NOX5: variants seen among roughly 807,000 people sequenced by gnomAD.
NOX5 encodes NADPH oxidase, EF-hand calcium binding domain 5.
A neutral mutation model predicts 85.7 loss-of-function variants in NOX5; 76 were observed. The observed-to-expected ratio is 0.89, with a 90% CI of 0.74 to 1.07. The LOEUF (loss-of-function observed/expected upper bound fraction) is 1.07. NOX5 is among the 50% of genes least tolerant of loss of function. The pLI, the probability that NOX5 is intolerant of heterozygous loss-of-function variation, is 0.00. For missense variants in NOX5, 973 were observed against 999.5 expected (o/e 0.97, Z 0.36); for synonymous variants, 405 against 401.4 (o/e 1.01, Z -0.11).
At position 69,031,577 on chromosome 15, in the gene NOX5, T is replaced by G; in HGVS notation, c.385T>G (p.Trp129Gly). The G allele has an allele frequency of 6.2e-7, 1 of 1,612,902 alleles. No individual in the cohort carries two copies. Residue 129 changes from tryptophan (W) to glycine (G), a missense_variant, in exon 4 of 16, where the codon TGG becomes GGG. Physicochemically the swap from Trp to Gly is radical, Grantham distance 184 (BLOSUM62 -2). Transcript: ENST00000388866. ...GTGGGGTGCTGGGGCAGGCCCGCAC[T>G]GGGCTTCATCCCCACTCGGGACAGG... ...TEWGAGAGPH[W>G]ASSPLGTGSG...
chr15:69,040,655 C>T (rs1425294987), intron 9 of NOX5, among the ~76,000 whole-genome samples: 1 of 151,880 alleles, frequency 6.6e-6, no homozygotes, highest in Non-Finnish European at 1.5e-5. Flanking sequence ...TTCACCAATT[C>T]TTTTTCTCCC....
chr15:69,035,700 A>G, intron 6 of NOX5, 58 bp from the exon 7 acceptor site: 1 of 1,589,372 alleles, frequency 6.3e-7, no homozygotes, highest in Non-Finnish European at 8.6e-7. Flanking sequence ...CCCAATGGGA[A>G]GGTGGAGTGG....
chr15:69,037,502 C>G, intron 8 of NOX5: 1 of 385,162 alleles, frequency 2.6e-6, no homozygotes. Flanking sequence ...GGGTGCCAGG[C>G]CCTGAACTAG....
chr15:69,047,449 A>G lies in NOX5; in HGVS notation c.1729A>G (p.Arg577Gly). The change falls in exon 12 of 16, where the codon AGG (arginine) becomes GGG (glycine). Residue 577 changes from arginine (R) to glycine (G), a missense_variant. Arg to Gly is a moderately radical substitution (Grantham distance 125). Coordinates refer to ENST00000388866, the MANE Select transcript of NOX5 (RefSeq NM_024505.4). Reference protein sequence around the residue: ...IDGPYGTPTRRIFASEHAVLI... With the variant: ...IDGPYGTPTRGIFASEHAVLI... ...TGGGCCTTATGGGACCCCCACCCGCAGGATCTTTGCCTCTGAGCATGCCGT... is the reference window on the plus strand; with the variant it reads ...TGGGCCTTATGGGACCCCCACCCGCGGGATCTTTGCCTCTGAGCATGCCGT... 3.1e-6 allele frequency: 5 copies of G among 1,613,876 alleles called. No individual in the cohort carries two copies. The highest frequency in any genetic ancestry group is 4.2e-6 in the Non-Finnish European group (5 of 1,179,930).
chr15:69,028,206 C>T lies in NOX5; in HGVS notation c.175-9C>T, dbSNP rs372697289. 1.5e-4 allele frequency: 234 copies of T among 1,588,798 alleles called. 2 individuals carry two copies. In the African/African-American group the frequency reaches 2.3e-3, roughly 16 times the overall value. ...CAGTTGTGCTGTCTTCCACCCTTCT[C>T]GCCCACAGTCCTTCTTTGCAGAGCG... On this transcript the variant is annotated splice_polypyrimidine_tract_variant and intron_variant, in intron 2 of 15. Transcript: ENST00000388866.
rs1179767402 is a variant in NOX5, at chr15:69,037,013, C to G, written c.1189-15C>G. On this transcript the variant is annotated splice_polypyrimidine_tract_variant and intron_variant, in intron 7 of 15. Transcript: ENST00000388866. ...CTTGAGCTCTGGAAGTTGACTGCCC[C>G]CCCTACCCCCATAGGTGTTCTATTG... 3 of 1,611,666 alleles carry G rather than the reference C, an allele frequency of 1.9e-6. No homozygotes were observed. Among genetic ancestry groups the G allele is most frequent in the Admixed American group, 1.7e-5 (1 of 59,960 alleles).
chr15:69,024,914 G>A (rs1285235054), intron 1 of NOX5, among the ~76,000 whole-genome samples: 1 of 151,970 alleles, frequency 6.6e-6, no homozygotes, highest in Admixed American at 6.6e-5. Flanking sequence ...ATATTTAGTA[G>A]TATGTACTTA....
At chr15:69,051,653 G>A (rs1362002403) in intron 14 of NOX5, among the ~76,000 whole-genome samples, 3 of 152,090 alleles carry the variant, frequency 2.0e-5, no homozygotes, top group Non-Finnish European at 4.4e-5. Flanking sequence ...GGGATTACAG[G>A]CATGCACCAC....
chr15:69,049,423 G>A (rs1408813592), intron 14 of NOX5, among the ~76,000 whole-genome samples: 2 of 151,650 alleles, frequency 1.3e-5, no homozygotes, highest in African/African-American at 2.4e-5. Flanking sequence ...GTCTTTTTAA[G>A]AGGTGTTTAT....
rs747219195 is a variant in NOX5 at position 69,047,439 on chromosome 15, C to T, written c.1719C>T (p.Thr573=). ...IKCYIDGPYG[T]PTRRIFASEH... is the part of the protein sequence containing the mutation. Reference sequence around the variant, plus strand: ...GCTACATCGATGGGCCTTATGGGACCCCCACCCGCAGGATCTTTGCCTCTG... The same window carrying T: ...GCTACATCGATGGGCCTTATGGGACTCCCACCCGCAGGATCTTTGCCTCTG... Residue 573 remains threonine, a synonymous_variant, in exon 12 of 16, where the codon ACC becomes ACT. Coordinates refer to ENST00000388866, the MANE Select transcript of NOX5 (RefSeq NM_024505.4). The T allele has an allele frequency of 6.2e-7, 1 of 1,613,792 alleles. No individual in the cohort carries two copies. The highest frequency in any genetic ancestry group is 1.1e-5 in the South Asian group (1 of 91,044).
chr15:69,031,475 A>G (rs1438077780), intron 3 of NOX5, 43 bp from the exon 4 acceptor site: 1 of 1,568,862 alleles, frequency 6.4e-7, no homozygotes, highest in Non-Finnish European at 8.6e-7. Flanking sequence ...ACTGGCAGAA[A>G]GCTGGAGGTG....
In NOX5 at chr15:69,057,634, G is replaced by A. The variant is rs1410301611; in HGVS notation, c.*938G>A. 1.3e-5 allele frequency: 2 copies of A among 152,296 alleles called. No homozygotes were observed. Among genetic ancestry groups the A allele is most frequent in the Non-Finnish European group, 2.9e-5 (2 of 68,044 alleles). The allele number at this position is 152,296 out of a possible 1,614,324, so 9.4% of individuals were successfully genotyped here. ...GGCCAAGTGCCTGGGGATGAAGCGG[G>A]CTAAGCCTGGAAGCTCAGCTCAGCC... On this transcript the variant is annotated 3_prime_UTR_variant, in exon 16 of 16. Coordinates refer to ENST00000388866, the MANE Select transcript of NOX5 (RefSeq NM_024505.4).
chr15:69,056,100 G>A (rs1367433840), intron 15 of NOX5, among the ~76,000 whole-genome samples: 1 of 152,078 alleles, frequency 6.6e-6, no homozygotes. Context: ...CAATTCATAA[G>A]CAGAATTTGG....
chr15:69,034,836 G>A (rs1408580950), intron 5 of NOX5, among the ~76,000 whole-genome samples: 5 of 152,144 alleles, frequency 3.3e-5, no homozygotes, highest in African/African-American at 1.2e-4. Context: ...TCAAACGCCT[G>A]GGCTCAAGCA....
chr15:69,016,310 C>G (rs1050360775), intron 1 of NOX5, among the ~76,000 whole-genome samples: 1 of 152,212 alleles, frequency 6.6e-6, no homozygotes, highest in African/African-American at 2.4e-5. Context: ...CATCTCACCC[C>G]CCTCCTCCAC....
At chr15:69,028,448 T>A in intron 3 of NOX5, 83 bp downstream of exon 3, 3 of 1,378,184 alleles carry the variant, frequency 2.2e-6, no homozygotes, top group Non-Finnish European at 2.9e-6. Context: ...TTGGCAGGCC[T>A]GGAGGTGCCA....
chr15:69,042,630 C>A, intron 9 of NOX5, 33 bp from the exon 10 acceptor site: 2 of 1,600,570 alleles, frequency 1.2e-6, no homozygotes, highest in Non-Finnish European at 1.7e-6. Context: ...TCACTATGGA[C>A]CTCCTTTCCC....
intron 14 of NOX5, among the ~76,000 whole-genome samples, chr15:69,052,146 A>G (rs1448288096): frequency 2.0e-5 from 3 of 151,708 alleles, no homozygotes; most frequent in Non-Finnish European, 2.9e-5. Context: ...TGAGGCCAAG[A>G]GTTTGAGGCT....
intron 10 of NOX5, among the ~76,000 whole-genome samples, chr15:69,043,820 G>A (rs1315823670): frequency 6.6e-6 from 1 of 152,162 alleles, no homozygotes; most frequent in Non-Finnish European, 1.5e-5. Context: ...AGGCAGCCTG[G>A]CCATATGTGT....
Sources: gnomAD v4.1 joint callset for allele counts (sites outside exome capture counted in the v4.1 genomes callset) on GRCh38, gnomAD v4.1.1 for gene constraint, MANE v1.5 for transcripts, NCBI Gene and HGNC (gene_info 2026-07-23, HGNC 2026-07-21) for gene names.